The following MCC variants were observed in gnomAD, a reference collection of about 807,000 sequenced individuals.
MCC encodes MCC regulator of Wnt signaling pathway, also known as colorectal mutant cancer protein.
MCC carries 90 observed loss-of-function variants against 116.2 expected under a neutral mutation model. The observed-to-expected ratio is 0.77, with a 90% CI of 0.65 to 0.92. The LOEUF is 0.92. Ranked by LOEUF, MCC falls within the 40% of genes least tolerant of loss-of-function variation. The pLI is 0.00. For missense variants in MCC, 1,516 were observed against 1,312.2 expected (o/e 1.16, Z -2.40); for synonymous variants, 578 against 510.5 (o/e 1.13, Z -1.78).
intron 8 of MCC, among the ~76,000 whole-genome samples, chr5:113,097,115 A>C (rs1410766736): frequency 1.3e-5 from 2 of 152,166 alleles, no homozygotes; most frequent in South Asian, 4.1e-4. Context: ...AAAGTTCCAT[A>C]AAGGACAAAA....
In MCC at chr5:113,434,798, C is replaced by T. The variant is rs775538333; in HGVS notation, c.171-49586G>A. The T allele has an allele frequency of 6.2e-7, 1 of 1,613,022 alleles. No individual in the cohort carries two copies. Among genetic ancestry groups the T allele is most frequent in the Non-Finnish European group, 8.5e-7 (1 of 1,179,064 alleles). ...AGGAGCCCTCTCCTAAATTTATCCCCAGGAGGTAGCCTCGTCGCTTGAGGA... is the reference window on the plus strand; with the variant it reads ...AGGAGCCCTCTCCTAAATTTATCCCTAGGAGGTAGCCTCGTCGCTTGAGGA... On this transcript the variant is annotated intron_variant, in intron 1 of 18. Transcript: ENST00000408903. The surrounding 1 kb of genome is among the most constrained non-coding windows in gnomAD (Gnocchi z 4.2).
At chr5:113,272,097 T>C (rs1330322888) in intron 3 of MCC, among the ~76,000 whole-genome samples, 1 of 152,196 alleles carries the variant, frequency 6.6e-6, no homozygotes, top group Non-Finnish European at 1.5e-5. Flanking sequence ...AGCTTTAGCT[T>C]GTTTATATAT....
At chr5:113,384,888 G>A in intron 2 of MCC, 80 bp downstream of exon 2, 2 of 1,522,136 alleles carry the variant, frequency 1.3e-6, no homozygotes, top group East Asian at 2.3e-5. Context: ...GCCTCATGAT[G>A]GGGAGGCTAC....
chr5:113,191,512 A>T (rs1762149338), intron 3 of MCC, among the ~76,000 whole-genome samples: 1 of 152,166 alleles, frequency 6.6e-6, no homozygotes, highest in Non-Finnish European at 1.5e-5. Context: ...TCCTTTAGAC[A>T]GGTGGAAGCC....
chr5:113,038,146 G>A (rs1403048980), intron 17 of MCC, among the ~76,000 whole-genome samples: 2 of 152,028 alleles, frequency 1.3e-5, no homozygotes, highest in African/African-American at 4.8e-5. Context: ...TTATAATCCT[G>A]GATCATTAGG....
intron 6 of MCC, among the ~76,000 whole-genome samples, chr5:113,113,823 G>A (rs573718859): frequency 6.6e-6 from 1 of 152,190 alleles, no homozygotes; most frequent in South Asian, 2.1e-4. Context: ...CTAGATTAAA[G>A]GAGAGTCAAA....
intron 1 of MCC, among the ~76,000 whole-genome samples, chr5:113,389,388 G>A (rs946157649): frequency 7.9e-5 from 12 of 152,148 alleles, no homozygotes; most frequent in Non-Finnish European, 1.5e-4. Flanking sequence ...AAATGTGGCG[G>A]AAATAAAATT....
intron 5 of MCC, among the ~76,000 whole-genome samples, chr5:113,137,142 T>C (rs939944247): frequency 5.3e-5 from 8 of 152,184 alleles, no homozygotes; most frequent in African/African-American, 1.9e-4. Flanking sequence ...AGAAAACTTA[T>C]AATCATGGTG....
intron 18 of MCC, among the ~76,000 whole-genome samples, chr5:113,028,711 T>C (rs1750748161): frequency 6.6e-6 from 1 of 152,212 alleles, no homozygotes. Flanking sequence ...GGCCAAAGGA[T>C]GTTGTTACTG....
intron 3 of MCC, among the ~76,000 whole-genome samples, chr5:113,253,641 T>G (rs1191930975): frequency 6.6e-6 from 1 of 151,988 alleles, no homozygotes; most frequent in African/African-American, 2.4e-5. Context: ...TCCATATGGA[T>G]AGGTAAGCAA....
intron 1 of MCC, among the ~76,000 whole-genome samples, chr5:113,477,859 C>T (rs545305230): frequency 9.9e-5 from 15 of 152,188 alleles, no homozygotes; most frequent in African/African-American, 1.9e-4. Context: ...AAACCAGTAC[C>T]GAACAAGTTT....
chr5:113,122,838 G>A lies in MCC; in HGVS notation c.885-12C>T. 1 of 1,613,986 alleles carries A rather than the reference G, an allele frequency of 6.2e-7. No homozygotes were observed. The highest frequency in any genetic ancestry group is 8.5e-7 in the Non-Finnish European group (1 of 1,179,904). ...ACTCATCTTCCTCCCTGAGAAAAAA[G>A]GAGAATTGGCAACCACTAACAGAGG... On this transcript the variant is annotated splice_polypyrimidine_tract_variant and intron_variant, in intron 5 of 18. Transcript: ENST00000408903.
At chr5:113,431,858 C>G (rs572216653) in intron 1 of MCC, among the ~76,000 whole-genome samples, 1 of 149,348 alleles carries the variant, frequency 6.7e-6, no homozygotes, top group Non-Finnish European at 1.5e-5. Context: ...AAAATTAGGG[C>G]GGGGTACAGT....
chr5:113,410,419 T>G (rs953143088), intron 1 of MCC, among the ~76,000 whole-genome samples: 3 of 152,212 alleles, frequency 2.0e-5, no homozygotes, highest in African/African-American at 4.8e-5. Flanking sequence ...GTGATAAACA[T>G]TGTTGAACAC....
At chr5:113,113,949 A>C (rs527449011) in intron 6 of MCC, among the ~76,000 whole-genome samples, 2 of 152,224 alleles carry the variant, frequency 1.3e-5, no homozygotes, top group East Asian at 3.9e-4. Context: ...GTGGACTGTC[A>C]ATGCTTCATC....
At chr5:113,042,027 T>G (rs1210635287) in intron 17 of MCC, among the ~76,000 whole-genome samples, 1 of 150,198 alleles carries the variant, frequency 6.7e-6, no homozygotes, top group East Asian at 2.0e-4. Context: ...CTCGAACAGG[T>G]GACCTAGGAA....
chr5:113,366,009 T>C (rs1180614564), intron 2 of MCC, among the ~76,000 whole-genome samples: 1 of 152,242 alleles, frequency 6.6e-6, no homozygotes, highest in Non-Finnish European at 1.5e-5. Context: ...TGAGATTTGA[T>C]GGTGACATAG....
At chr5:113,315,307 T>G (rs553706272) in intron 3 of MCC, among the ~76,000 whole-genome samples, 1 of 152,344 alleles carries the variant, frequency 6.6e-6, no homozygotes. Flanking sequence ...AGGTACTGCC[T>G]GTTTTATTAT....
intron 8 of MCC, among the ~76,000 whole-genome samples, chr5:113,086,191 AG>A (rs1755188503): frequency 6.6e-6 from 1 of 152,224 alleles, no homozygotes. Flanking sequence ...AAGCAGAAAA[AG>A]GGAAGAATAT....
Sources: gnomAD v4.1 joint callset for allele counts (sites outside exome capture counted in the v4.1 genomes callset) on GRCh38, gnomAD v4.1.1 for gene constraint, Gnocchi (gnomAD v3.1) non-coding constraint, MANE v1.5 for transcripts, NCBI Gene and HGNC (gene_info 2026-07-23, HGNC 2026-07-21) for gene names.